Variants in PPEF1 observed in about 807,000 individuals in gnomAD.
PPEF1 encodes the protein protein phosphatase with EF-hand domain 1, also known as serine/threonine-protein phosphatase with EF-hands 1.
A neutral mutation model predicts 53.3 loss-of-function variants in PPEF1; 12 were observed. The ratio of observed to expected loss-of-function variants is 0.23; its 90% CI spans 0.14 to 0.36. The LOEUF (loss-of-function observed/expected upper bound fraction) is 0.36. PPEF1 is among the 10% of genes least tolerant of loss of function. PPEF1 has a pLI of 1.00. For missense variants in PPEF1, 334 were observed against 490.4 expected, an observed-to-expected ratio of 0.68 and a Z score of 3.01; for synonymous variants, 165 against 176.7, an observed-to-expected ratio of 0.93 and a Z score of 0.52.
upstream of PPEF1, among the ~76,000 whole-genome samples, chrX:18,707,460 A>T (rs778774466): frequency 2.7e-5 from 3 of 112,489 alleles, no homozygotes; most frequent in South Asian, 1.1e-3. Flanking sequence ...TCTAGCAGAG[A>T]AGCAGCCTAT....
At position 18,726,941 on chromosome X, in the gene PPEF1, C is replaced by T. The variant is rs184085323; in HGVS notation, c.47-3240C>T. Among the ~76,000 whole-genome samples, 329 of 112,312 alleles carry T rather than the reference C, an allele frequency of 2.9e-3. 6 individuals carry two copies. The highest frequency in any genetic ancestry group is 0.01 in the African/African-American group (324 of 30,939). On this transcript the variant is annotated intron_variant, in intron 1 of 15. Coordinates refer to ENST00000470157, the MANE Select transcript of PPEF1 (RefSeq NM_001377996.1). ...CCTCCCAAAGTGTTGGGATTACAGG[C>T]GTGAGCCATCGCACTTGGCCAAGCT... is the stretch of plus-strand genomic sequence containing the variant.
chrX:18,713,195 TATTA>T (rs2044366425), intron 1 of PPEF1, among the ~76,000 whole-genome samples: 1 of 111,725 alleles, frequency 9.0e-6, no homozygotes, highest in Admixed American at 9.6e-5. Context: ...GAAGAATTGG[TATTA>T]ATTCTTTAAA....
intron 1 of PPEF1, among the ~76,000 whole-genome samples, chrX:18,714,703 G>A (rs1395091653): frequency 8.9e-6 from 1 of 112,443 alleles, no homozygotes; most frequent in African/African-American, 3.2e-5. Flanking sequence ...TGCTTCAGAA[G>A]CTAGCTTTAA....
chrX:18,696,700 A>G (rs1477870692), intron 4 of PPEF1, among the ~76,000 whole-genome samples: 1 of 111,491 alleles, frequency 9.0e-6, no homozygotes, highest in Non-Finnish European at 1.9e-5. Flanking sequence ...TTTGGAGACT[A>G]CTAGGGGTTA....
chrX:18,751,729 G>A lies in PPEF1; in HGVS notation c.396+1777G>A, dbSNP rs1052328144. On this transcript the variant is annotated intron_variant, in intron 4 of 15. Coordinates refer to ENST00000470157, the MANE Select transcript of PPEF1 (RefSeq NM_001377996.1). ...CAAAAGGTGGAGGTTGCAGTGAGCC[G>A]AGATCGTGCCACTGCACCCTAGCCT... 8.9e-5 allele frequency among the ~76,000 whole-genome samples: 10 copies of A among 112,250 alleles called. No individual in the cohort carries two copies. In the East Asian group the frequency reaches 1.7e-3, roughly 19 times the overall value.
intron 3 of PPEF1, chrX:18,688,816 C>G (rs1028364562): frequency 9.0e-6 from 1 of 111,488 alleles, no homozygotes; most frequent in Non-Finnish European, 1.9e-5. Flanking sequence ...CAGGACAACT[C>G]GAAGCAAGGG....
chrX:18,741,692 T>C (rs762880391), intron 3 of PPEF1, among the ~76,000 whole-genome samples: 1 of 109,322 alleles, frequency 9.1e-6, no homozygotes, highest in Non-Finnish European at 1.9e-5. Context: ...TCTTGACTTC[T>C]ACACCCTAGA....
intron 1 of PPEF1, among the ~76,000 whole-genome samples, chrX:18,714,207 A>G (rs897942666): frequency 9.1e-6 from 1 of 109,583 alleles, no homozygotes; most frequent in South Asian, 3.9e-4. Context: ...AAGGGTTATT[A>G]TTCCTGTTTG....
intron 3 of PPEF1, among the ~76,000 whole-genome samples, chrX:18,738,221 G>A (rs1332285356): frequency 3.6e-5 from 4 of 111,676 alleles, no homozygotes; most frequent in South Asian, 7.5e-4. Context: ...TCCTAGCCAC[G>A]ATGGTCTTTA....
chrX:18,823,093 A>G (rs2047096341), intron 13 of PPEF1, among the ~76,000 whole-genome samples: 1 of 111,795 alleles, frequency 8.9e-6, no homozygotes, highest in South Asian at 3.7e-4. Flanking sequence ...AGATTCATGC[A>G]TATATAGACA....
At chrX:18,775,313 G>A (rs1317987943) in intron 6 of PPEF1, among the ~76,000 whole-genome samples, 7 of 100,663 alleles carry the variant, frequency 7.0e-5, no homozygotes, top group African/African-American at 2.6e-4. Context: ...TGCCTCCCAG[G>A]TTCAAGTGAT....
intron 1 of PPEF1, among the ~76,000 whole-genome samples, chrX:18,719,092 A>G (rs2044523412): frequency 1.8e-5 from 2 of 112,280 alleles, no homozygotes; most frequent in Non-Finnish European, 3.8e-5. Flanking sequence ...TTAAAATGAT[A>G]GGAATTCTTT....
intron 1 of PPEF1, among the ~76,000 whole-genome samples, chrX:18,711,230 C>A (rs2044319442): frequency 9.5e-6 from 1 of 105,617 alleles, no homozygotes; most frequent in Admixed American, 1.0e-4. Context: ...AGTCAAATAC[C>A]CCATGTTCTC....
intron 10 of PPEF1, among the ~76,000 whole-genome samples, chrX:18,794,261 A>T (rs988989256): frequency 8.9e-6 from 1 of 112,746 alleles, no homozygotes; most frequent in Non-Finnish European, 1.9e-5. Context: ...TAGCTGGGGT[A>T]CTGTTACTAC....
intron 3 of PPEF1, among the ~76,000 whole-genome samples, chrX:18,741,024 G>C (rs1248487127): frequency 1.9e-5 from 2 of 107,952 alleles, no homozygotes; most frequent in Non-Finnish European, 3.8e-5. Context: ...TAAAAGAATG[G>C]TGTTTTAATG....
chrX:18,763,754 G>A (rs1205428399), intron 6 of PPEF1, among the ~76,000 whole-genome samples: 3 of 111,804 alleles, frequency 2.7e-5, no homozygotes, highest in African/African-American at 9.7e-5. Flanking sequence ...CATTAGATTA[G>A]CAGCTTGGAA....
chrX:18,764,661 C>A (rs764396099), intron 6 of PPEF1, among the ~76,000 whole-genome samples: 1 of 111,363 alleles, frequency 9.0e-6, no homozygotes, highest in Non-Finnish European at 1.9e-5. Context: ...TTCAGAAGTG[C>A]GGTCCGGCTA....
chrX:18,825,873 G>GT (rs1188025535), intron 15 of PPEF1, 38 bp downstream of exon 15: 1 of 981,936 alleles, frequency 1.0e-6, no homozygotes, highest in African/African-American at 1.9e-5. Context: ...TTTAAAAAGT[G>GT]TATGTGTGTG....
intron 4 of PPEF1, among the ~76,000 whole-genome samples, chrX:18,757,409 CTG>C (rs1184095423): frequency 1.8e-5 from 2 of 110,454 alleles, no homozygotes; most frequent in Non-Finnish European, 3.8e-5. Context: ...CTCTAAGGAC[CTG>C]GGATGATGAT....
Sources: gnomAD v4.1 joint callset for allele counts (sites outside exome capture counted in the v4.1 genomes callset) on GRCh38, gnomAD v4.1.1 for gene constraint, MANE v1.5 for transcripts, NCBI Gene and HGNC (gene_info 2026-07-23, HGNC 2026-07-21) for gene names.